TANGO2: variants seen among roughly 807,000 people sequenced by gnomAD.
TANGO2 encodes the protein transport and Golgi organization protein 2 homolog.
Under a neutral mutation model 39.1 loss-of-function variants are expected in TANGO2, and 26 were observed. The observed-to-expected ratio is 0.67, with a 90% CI of 0.49 to 0.92. The LOEUF is 0.92. Ranked by LOEUF, TANGO2 falls within the 40% of genes least tolerant of loss-of-function variation. TANGO2 has a pLI of 0.00. For missense variants in TANGO2, 326 were observed against 360.1 expected (o/e 0.91, Z 0.77); for synonymous variants, 131 against 144.5 (o/e 0.91, Z 0.67).
intron 2 of TANGO2, among the ~76,000 whole-genome samples, chr22:20,041,697 C>T (rs571052775): frequency 3.9e-5 from 6 of 152,056 alleles, no homozygotes; most frequent in East Asian, 1.9e-4. Context: ...CCACCCACCT[C>T]GGCCTCGCAA....
At chr22:20,028,204 T>C (rs1255123181) in intron 1 of TANGO2, among the ~76,000 whole-genome samples, 2 of 152,364 alleles carry the variant, frequency 1.3e-5, no homozygotes, top group East Asian at 3.9e-4. Flanking sequence ...CTTGATCTTC[T>C]AGGCTCAAGC....
In TANGO2 at chr22:20,033,485, T is replaced by C. The variant is rs530388246; in HGVS notation, c.-39-3275T>C. 2.6e-5 allele frequency among the ~76,000 whole-genome samples: 4 copies of C among 152,346 alleles called. No homozygotes were observed. The East Asian group carries it at 7.7e-4, about 29-fold the overall frequency. On this transcript the variant is annotated intron_variant, in intron 1 of 8. Coordinates refer to ENST00000327374, the MANE Select transcript of TANGO2 (RefSeq NM_152906.7). ...CCTCATCCATGGCCTTGCCAGCAGC[T>C]GGGCGTGCAGCCCAGGGAGGGCTGA... is the stretch of plus-strand genomic sequence containing the variant.
chr22:20,040,806 G>A (rs1289505052), intron 2 of TANGO2, among the ~76,000 whole-genome samples: 1 of 152,192 alleles, frequency 6.6e-6, no homozygotes, highest in Non-Finnish European at 1.5e-5. Context: ...ATGGAGACTT[G>A]GGCTGGGTCT....
In TANGO2 at chr22:20,063,366, C is replaced by T; in HGVS notation, c.634C>T (p.Gln212Ter). The part of the protein sequence containing the change: ...AQLPDPAIED[Q>*]GGEYVQPMLS... Reference sequence around the variant, plus strand: ...GCTGCCAGACCCGGCCATCGAGGACCAGGGTGGGGAGTACGTGCAGCCCAT... The same window carrying T: ...GCTGCCAGACCCGGCCATCGAGGACTAGGGTGGGGAGTACGTGCAGCCCAT... Residue 212 changes from glutamine (Q) to a stop codon, truncating the protein, a stop_gained, in exon 8 of 9, where the codon CAG becomes TAG. Transcript: ENST00000327374. LOFTEE classifies it high-confidence loss of function. 6.2e-7 allele frequency: 1 copy of T among 1,613,522 alleles called. No homozygotes were observed. The highest frequency in any genetic ancestry group is 8.5e-7 in the Non-Finnish European group (1 of 1,179,906).
At chr22:20,044,193 G>C (rs530176595) in intron 3 of TANGO2, among the ~76,000 whole-genome samples, 1 of 152,164 alleles carries the variant, frequency 6.6e-6, no homozygotes, top group Non-Finnish European at 1.5e-5. Context: ...GTGTGACCTC[G>C]TGGGCCCATG....
At chr22:20,030,405 G>A (rs1446334625) in intron 1 of TANGO2, among the ~76,000 whole-genome samples, 1 of 151,996 alleles carries the variant, frequency 6.6e-6, no homozygotes, top group African/African-American at 2.4e-5. Context: ...GGAGGACAGT[G>A]GTACGATCTT....
chr22:20,052,023 G>A (rs1277673062), intron 3 of TANGO2, among the ~76,000 whole-genome samples: 2 of 152,184 alleles, frequency 1.3e-5, no homozygotes, highest in East Asian at 3.8e-4. Context: ...ATTTGGCGGG[G>A]GTGAAGGTCC....
At chr22:20,018,477 C>T (rs534211451), upstream of TANGO2, among the ~76,000 whole-genome samples, 52 of 152,322 alleles carry the variant, frequency 3.4e-4, no homozygotes, top group African/African-American at 1.2e-3. Flanking sequence ...CCTGGTTCTG[C>T]TGGAGCCCCT....
chr22:20,041,639 G>A (rs1051450726), intron 2 of TANGO2, among the ~76,000 whole-genome samples: 1 of 151,908 alleles, frequency 6.6e-6, no homozygotes, highest in African/African-American at 2.4e-5. Flanking sequence ...ATAGAGATGG[G>A]GTTTCACCAT....
At position 20,055,701 on chromosome 22, in the gene TANGO2, C is replaced by G. The variant is rs2147626273; in HGVS notation, c.381-242C>G. ...GGAGGGCATTTTAGATCCTGTGCCT[C>G]CTGGGCTGGTGGGCCCCGAGGTGAG... On this transcript the variant is annotated intron_variant, in intron 5 of 8. Transcript: ENST00000327374. 5.1e-6 allele frequency: 3 copies of G among 585,728 alleles called. No individual in the cohort carries two copies. The South Asian group carries it at 6.0e-5, about 12-fold the overall frequency. The allele number at this position is 585,728 out of a possible 1,614,324, so 36.3% of individuals were successfully genotyped here.
At chr22:20,061,853 G>A in intron 7 of TANGO2, 170 bp downstream of exon 7, 1 of 871,928 alleles carries the variant, frequency 1.1e-6, no homozygotes, top group Non-Finnish European at 1.7e-6. Context: ...TGAGCCAGCT[G>A]AGGTTTCCAA....
chr22:20,046,704 T>C (rs1446615052), intron 3 of TANGO2, among the ~76,000 whole-genome samples: 2 of 152,154 alleles, frequency 1.3e-5, no homozygotes, highest in Admixed American at 1.3e-4. Flanking sequence ...TGCAGGTTTG[T>C]TACATAGGTA....
At chr22:20,027,729 T>C (rs1302756496) in intron 1 of TANGO2, among the ~76,000 whole-genome samples, 1 of 152,116 alleles carries the variant, frequency 6.6e-6, no homozygotes, top group African/African-American at 2.4e-5. Flanking sequence ...TGCCTCAGCC[T>C]CCTGAGTAGC....
At chr22:20,023,293 C>G (rs983596477) in intron 1 of TANGO2, among the ~76,000 whole-genome samples, 1 of 125,734 alleles carries the variant, frequency 8.0e-6, no homozygotes, top group African/African-American at 3.4e-5. Flanking sequence ...AGGAGTGCCC[C>G]CCTTTTTTTT....
rs528396124 is a variant in TANGO2 at position 20,057,693 on chromosome 22, G to A, written c.451+1680G>A. On this transcript the variant is annotated intron_variant, in intron 6 of 8. Coordinates refer to ENST00000327374, the MANE Select transcript of TANGO2 (RefSeq NM_152906.7). The surrounding 1 kb of genome is among the most constrained non-coding windows in gnomAD (Gnocchi z 4.1). ...CTGTTCCACCTGCCCCAGAACCTCC[G>A]CATCAGTTGAGGGTCGTGGGGTTGG... Among the ~76,000 whole-genome samples the A allele has an allele frequency of 3.3e-5, 5 of 152,322 alleles. No homozygotes were observed. Among genetic ancestry groups the A allele is most frequent in the African/African-American group, 1.2e-4 (5 of 41,574 alleles).
intron 1 of TANGO2, among the ~76,000 whole-genome samples, chr22:20,036,345 A>G (rs918543911): frequency 1.6e-4 from 25 of 152,188 alleles, no homozygotes; most frequent in South Asian, 2.1e-4. Context: ...GACTGTCATT[A>G]AAAGTCTCAC....
chr22:20,050,775 G>A lies in TANGO2; in HGVS notation c.146-1690G>A, dbSNP rs190994225. ...ATTTACTTATTAGTTCTAATACATCGGTTTTGGTATTCCTTTTGGGTTTTC... is the reference window on the plus strand; with the variant it reads ...ATTTACTTATTAGTTCTAATACATCAGTTTTGGTATTCCTTTTGGGTTTTC... On this transcript the variant is annotated intron_variant, in intron 3 of 8. Coordinates refer to ENST00000327374, the MANE Select transcript of TANGO2 (RefSeq NM_152906.7). Among the ~76,000 whole-genome samples the A allele has an allele frequency of 2.2e-3, 328 of 150,366 alleles. 1 individual carries two copies. Among genetic ancestry groups the A allele is most frequent in the Admixed American group, 6.7e-3 (101 of 15,116 alleles).
intron 1 of TANGO2, among the ~76,000 whole-genome samples, chr22:20,024,383 T>A (rs917669662): frequency 1.3e-5 from 2 of 152,196 alleles, no homozygotes. Context: ...GACACTGTGT[T>A]CCCACGTGTG....
intron 2 of TANGO2, among the ~76,000 whole-genome samples, chr22:20,041,680 T>C (rs1165620809): frequency 6.6e-6 from 1 of 152,082 alleles, no homozygotes; most frequent in Non-Finnish European, 1.5e-5. Context: ...ACTCCTGACC[T>C]CATGATCCAC....
Sources: allele counts gnomAD v4.1 joint callset (sites outside exome capture counted in the v4.1 genomes callset), GRCh38; gene constraint gnomAD v4.1.1; non-coding constraint Gnocchi (gnomAD v3.1); transcripts MANE v1.5; gene names NCBI Gene and HGNC (gene_info 2026-07-23, HGNC 2026-07-21).